Variants in PCDHB11 observed in about 807,000 individuals in gnomAD.
The protein encoded by PCDHB11 is protocadherin beta 11.
For missense variants in PCDHB11, 1,151 were observed against 1,003.4 expected (o/e 1.15, Z -1.99); for synonymous variants, 522 against 442.0 (o/e 1.18, Z -2.27).
rs1225033513 is a variant in PCDHB11, at chr5:141,200,889, A to G, written c.1115A>G (p.Asp372Gly). ...ETVVMVFSIQ[D>G]IDSGDNGRIV... Reference sequence around the variant, plus strand: ...GTGGTTATGGTTTTTAGTATCCAAGATATAGACTCTGGGGACAACGGAAGA... The same window carrying G: ...GTGGTTATGGTTTTTAGTATCCAAGGTATAGACTCTGGGGACAACGGAAGA... The change falls in exon 1 of 1, where the codon GAT becomes GGT. Residue 372 changes from aspartate (D) to glycine (G), a missense_variant. Asp to Gly is a moderately conservative substitution (Grantham distance 94, BLOSUM62 -1). Transcript: ENST00000354757. The G allele has an allele frequency of 6.2e-7, 1 of 1,614,220 alleles. No homozygotes were observed. The highest frequency in any genetic ancestry group is 1.7e-5 in the Admixed American group (1 of 60,018).
At position 141,201,093 on chromosome 5, in the gene PCDHB11, T is replaced by C. The variant is rs781851043; in HGVS notation, c.1319T>C (p.Leu440Ser). 5 of 1,614,204 alleles carry C rather than the reference T, an allele frequency of 3.1e-6. No individual in the cohort carries two copies. The South Asian group carries it at 5.5e-5, about 18-fold the overall frequency. ...AAAACCGAGCACAACACAACTGTGT[T>C]GGTCTCTGACGTCAATGACAACGCC... ...RLKTEHNTTV[L>S]VSDVNDNAPT... Residue 440 changes from leucine to serine, a missense_variant, in exon 1 of 1, where the codon TTG becomes TCG. By Grantham distance (145) the Leu-to-Ser change is moderately radical. Transcript: ENST00000354757.
Position 141,200,579 on chromosome 5 carries a change from T to G in PCDHB11, c.805T>G (p.Leu269Val). The G allele has an allele frequency of 6.2e-7, 1 of 1,614,202 alleles. No individual in the cohort carries two copies. The highest frequency in any genetic ancestry group is 8.5e-7 in the Non-Finnish European group (1 of 1,180,042). Residue 269 changes from leucine to valine, a missense_variant, in exon 1 of 1, where the codon TTA (leucine) becomes GTA (valine). Leu to Val is a conservative substitution (Grantham distance 32, BLOSUM62 1). Transcript: ENST00000354757. The part of the protein sequence containing the change: ...SLILIVSAWD[L>V]DSGTNGEICY... ...GATTTTGATTGTCTCAGCTTGGGAT[T>G]TAGACTCTGGAACAAATGGTGAAAT...
At position 141,200,549 on chromosome 5, in the gene PCDHB11, T is replaced by C; in HGVS notation, c.775T>C (p.Ser259Pro). The stretch of plus-strand genomic sequence containing the variant: ...GATTCGGGAGAATAGCATCCTTGGC[T>C]CGCTGATTTTGATTGTCTCAGCTTG... The part of the protein sequence containing the change: ...VKIRENSILG[S>P]LILIVSAWDL... The change falls in exon 1 of 1, where the codon TCG becomes CCG. Residue 259 changes from serine to proline, a missense_variant. Ser to Pro is a moderately conservative substitution (Grantham distance 74). Coordinates refer to ENST00000354757, the MANE Select transcript of PCDHB11 (RefSeq NM_018931.3). 1 of 1,614,204 alleles carries C rather than the reference T, an allele frequency of 6.2e-7. No homozygotes were observed. Among genetic ancestry groups the C allele is most frequent in the Non-Finnish European group, 8.5e-7 (1 of 1,180,042 alleles).
In PCDHB11 at chr5:141,201,780, C is replaced by T. The variant is rs1347547491; in HGVS notation, c.2006C>T (p.Pro669Leu). ...CTCCTGGTGGACGGCTTCTCCCAGC[C>T]CTACCTGCCGCTCCCTGAGGCGGCA... ...QVLLVDGFSQ[P>L]YLPLPEAAPA... The change falls in exon 1 of 1, where the codon CCC becomes CTC. Residue 669 changes from proline to leucine, a missense_variant. By Grantham distance (98) the Pro-to-Leu change is moderately conservative. Transcript: ENST00000354757. 9 of 1,609,664 alleles carry T rather than the reference C, an allele frequency of 5.6e-6. No individual in the cohort carries two copies. The highest frequency in any genetic ancestry group is 7.6e-6 in the Non-Finnish European group (9 of 1,179,776).
At position 141,201,995 on chromosome 5, in the gene PCDHB11, G is replaced by T; in HGVS notation, c.2221G>T (p.Gly741Cys). Residue 741 changes from glycine to cysteine, a missense_variant, in exon 1 of 1, where the codon GGC becomes TGC. By Grantham distance (159) the Gly-to-Cys change is radical. Transcript: ENST00000354757. ...PFPGHLVDVS[G>C]TGTLSQSYQY... Reference sequence around the variant, plus strand: ...TCCAGGGCATCTGGTGGACGTGAGCGGCACCGGGACCCTTTCCCAGAGCTA... The same window carrying T: ...TCCAGGGCATCTGGTGGACGTGAGCTGCACCGGGACCCTTTCCCAGAGCTA... 6.2e-7 allele frequency: 1 copy of T among 1,614,168 alleles called. No individual in the cohort carries two copies.
Position 141,200,598 on chromosome 5 carries a change from G to C in PCDHB11, c.824G>C (p.Gly275Ala), listed in dbSNP as rs1326293430. ...TGGGATTTAGACTCTGGAACAAATGGTGAAATATGCTATACCTTTTCCCAT... is the reference window on the plus strand; with the variant it reads ...TGGGATTTAGACTCTGGAACAAATGCTGAAATATGCTATACCTTTTCCCAT... ...SAWDLDSGTN[G>A]EICYTFSHAS... Residue 275 changes from glycine to alanine, a missense_variant, in exon 1 of 1, where the codon GGT becomes GCT. Physicochemically the swap from Gly to Ala is moderately conservative, Grantham distance 60 (BLOSUM62 0). Transcript: ENST00000354757. The C allele has an allele frequency of 6.2e-7, 1 of 1,614,074 alleles. No individual in the cohort carries two copies. Among genetic ancestry groups the C allele is most frequent in the Non-Finnish European group, 8.5e-7 (1 of 1,180,042 alleles).
In PCDHB11 at chr5:141,203,503, A is replaced by G. The variant is rs1754252650; in HGVS notation, c.*1335A>G. On this transcript the variant is annotated 3_prime_UTR_variant, in exon 1 of 1. Coordinates refer to ENST00000354757, the MANE Select transcript of PCDHB11 (RefSeq NM_018931.3). Reference sequence around the variant, plus strand: ...TCTAACATTCTATTTATTCATTTAAAAAGCCACATCATCTAGTTCTAAATC... The same window carrying G: ...TCTAACATTCTATTTATTCATTTAAGAAGCCACATCATCTAGTTCTAAATC... 1 of 152,244 alleles carries G rather than the reference A, an allele frequency of 6.6e-6. No individual in the cohort carries two copies. The highest frequency in any genetic ancestry group is 1.5e-5 in the Non-Finnish European group (1 of 68,040). The allele number at this position is 152,244 out of a possible 1,614,324, so 9.4% of individuals were successfully genotyped here.
At position 141,201,972 on chromosome 5, in the gene PCDHB11, C is replaced by T; in HGVS notation, c.2198C>T (p.Pro733Leu). The change falls in exon 1 of 1, where the codon CCA becomes CTA. Residue 733 changes from proline (P) to leucine (L), a missense_variant. By Grantham distance (98) the Pro-to-Leu change is moderately conservative. Coordinates refer to ENST00000354757, the MANE Select transcript of PCDHB11 (RefSeq NM_018931.3). ...TGCTCGGTGCCTAAGGGCCCCTTTCCAGGGCATCTGGTGGACGTGAGCGGC... is the reference window on the plus strand; with the variant it reads ...TGCTCGGTGCCTAAGGGCCCCTTTCTAGGGCATCTGGTGGACGTGAGCGGC... ...GSCSVPKGPF[P>L]GHLVDVSGTG... is the part of the protein sequence containing the mutation. 1 of 1,614,192 alleles carries T rather than the reference C, an allele frequency of 6.2e-7. No homozygotes were observed. The highest frequency in any genetic ancestry group is 8.5e-7 in the Non-Finnish European group (1 of 1,180,030).
Position 141,202,035 on chromosome 5 carries a change from G to A in PCDHB11, c.2261G>A (p.Cys754Tyr). 6.2e-7 allele frequency: 1 copy of A among 1,614,194 alleles called. No homozygotes were observed. Among genetic ancestry groups the A allele is most frequent in the African/African-American group, 1.3e-5 (1 of 75,040 alleles). Residue 754 changes from cysteine (C) to tyrosine (Y), a missense_variant, in exon 1 of 1, where the codon TGT (cysteine) becomes TAT (tyrosine). Physicochemically the swap from Cys to Tyr is radical, Grantham distance 194. Coordinates refer to ENST00000354757, the MANE Select transcript of PCDHB11 (RefSeq NM_018931.3). The part of the protein sequence containing the change: ...TLSQSYQYEV[C>Y]LTGGSETNEF... ...TCCCAGAGCTACCAGTACGAGGTGT[G>A]TCTGACGGGAGGTTCCGAGACAAAT...
Position 141,200,688 on chromosome 5 carries a change from C to T in PCDHB11, c.914C>T (p.Ala305Val). The change falls in exon 1 of 1, where the codon GCA becomes GTA. Residue 305 changes from alanine to valine, a missense_variant. Transcript: ENST00000354757. Reference protein sequence around the residue: ...NQKSGEITLRAPLDFETIESY... With the variant: ...NQKSGEITLRVPLDFETIESY... ...AAGTCTGGAGAAATTACTTTAAGAG[C>T]ACCTCTGGATTTTGAAACGATTGAG... 1.2e-6 allele frequency: 2 copies of T among 1,614,172 alleles called. No individual in the cohort carries two copies. Among genetic ancestry groups the T allele is most frequent in the East Asian group, 4.5e-5 (2 of 44,878 alleles).
rs782414020 is a variant in PCDHB11 at position 141,200,346 on chromosome 5, AC to A, written c.576del (p.Glu193SerfsTer2). On this transcript the variant is annotated frameshift_variant, in exon 1 of 1. Coordinates refer to ENST00000354757, the MANE Select transcript of PCDHB11 (RefSeq NM_018931.3). LOFTEE classifies it low-confidence loss of function (END_TRUNC). ...KMRVIPDNRKYPELVLDKALD... is the reference protein window; with the variant it reads ...KMRVIPDNRKXPELVLDKALD... Reference sequence around the variant, plus strand: ...AGAGTCATTCCAGACAATAGGAAATACCCCGAGTTAGTTCTGGACAAGGCGC... The same window carrying A: ...AGAGTCATTCCAGACAATAGGAAATACCCGAGTTAGTTCTGGACAAGGCGC... The A allele has an allele frequency of 3.7e-6, 6 of 1,614,012 alleles. No individual in the cohort carries two copies. The African/African-American group carries it at 8.0e-5, about 22-fold the overall frequency.
chr5:141,201,408 C>T lies in PCDHB11; in HGVS notation c.1634C>T (p.Ala545Val), dbSNP rs1157179181. ...GGCTCCCCGGCTTTGAGCAGCGAGGCGCTGGTGCGCGTGCTGGTGCTGGAC... is the reference window on the plus strand; with the variant it reads ...GGCTCCCCGGCTTTGAGCAGCGAGGTGCTGGTGCGCGTGCTGGTGCTGGAC... Reference protein sequence around the residue: ...DRGSPALSSEALVRVLVLDAN... With the variant: ...DRGSPALSSEVLVRVLVLDAN... Residue 545 changes from alanine (A) to valine (V), a missense_variant, in exon 1 of 1, where the codon GCG (alanine) becomes GTG (valine). Ala to Val is a moderately conservative substitution (Grantham distance 64). Transcript: ENST00000354757. 1.7e-5 allele frequency: 27 copies of T among 1,611,992 alleles called. No individual in the cohort carries two copies. Among genetic ancestry groups the T allele is most frequent in the Non-Finnish European group, 2.1e-5 (25 of 1,179,768 alleles).
chr5:141,201,168 GC>G lies in PCDHB11; in HGVS notation c.1398del (p.Ala467ProfsTer75). 6.2e-7 allele frequency: 1 copy of G among 1,613,616 alleles called. No homozygotes were observed. Among genetic ancestry groups the G allele is most frequent in the East Asian group, 2.2e-5 (1 of 44,882 alleles). ...SYTLFVRENN[S>X]PALHIGSVSA... ...ACCCTGTTCGTCCGCGAGAACAACA[GC>G]CCCGCCCTGCACATCGGCAGTGTCA... On this transcript the variant is annotated frameshift_variant, in exon 1 of 1. Coordinates refer to ENST00000354757, the MANE Select transcript of PCDHB11 (RefSeq NM_018931.3). LOFTEE classifies it low-confidence loss of function (END_TRUNC).
At position 141,202,605 on chromosome 5, in the gene PCDHB11, C is replaced by CT. The variant is rs1174899767; in HGVS notation, c.*447dup. 2.2e-3 allele frequency: 333 copies of CT among 148,702 alleles called. 1 individual carries two copies. The highest frequency in any genetic ancestry group is 3.9e-3 in the Non-Finnish European group (261 of 67,324). 9.2% of individuals were successfully genotyped at this position (148,702 alleles called of 1,614,324 possible). A position where few individuals can be genotyped will look rare whatever the true frequency, so the allele number is the denominator to read the frequency against. On this transcript the variant is annotated 3_prime_UTR_variant, in exon 1 of 1. Transcript: ENST00000354757. ...ACCGGTGTGAGCCACTGCGCCCGGCCTTTTTTTTTTCTTTTCTTTTCTTTT... is the reference window on the plus strand; with the variant it reads ...ACCGGTGTGAGCCACTGCGCCCGGCCTTTTTTTTTTTCTTTTCTTTTCTTTT...
Position 141,203,263 on chromosome 5 carries a change from T to G in PCDHB11, c.*1095T>G, listed in dbSNP as rs1023023792. The G allele has an allele frequency of 6.6e-6, 1 of 152,152 alleles. No homozygotes were observed. Among genetic ancestry groups the G allele is most frequent in the South Asian group, 2.1e-4 (1 of 4,822 alleles). 9.4% of individuals were successfully genotyped at this position (152,152 alleles called of 1,614,324 possible). On this transcript the variant is annotated 3_prime_UTR_variant, in exon 1 of 1. Coordinates refer to ENST00000354757, the MANE Select transcript of PCDHB11 (RefSeq NM_018931.3). ...CACCCAGCTAATTTTGCATTTTTAG[T>G]AGAGACGGGGTTTCACCATGTTGGT...
In PCDHB11 at chr5:141,202,299, C is replaced by A. The variant is rs1754222734; in HGVS notation, c.*131C>A. ...ATTTTTAATTTTTTCTTTTCTCCCC[C>A]AATTTTTTTTTTTTTTTTGAGACCG... is the stretch of plus-strand genomic sequence containing the variant. On this transcript the variant is annotated 3_prime_UTR_variant, in exon 1 of 1. Coordinates refer to ENST00000354757, the MANE Select transcript of PCDHB11 (RefSeq NM_018931.3). 6 of 924,640 alleles carry A rather than the reference C, an allele frequency of 6.5e-6. No individual in the cohort carries two copies. The highest frequency in any genetic ancestry group is 9.2e-6 in the Non-Finnish European group (6 of 649,770). The allele number at this position is 924,640 out of a possible 1,614,324, so 57.3% of individuals were successfully genotyped here.
In PCDHB11 at chr5:141,201,301, C is replaced by A. The variant is rs1396915826; in HGVS notation, c.1527C>A (p.Asp509Glu). Residue 509 changes from aspartate to glutamate, a missense_variant, in exon 1 of 1, where the codon GAC (aspartate) becomes GAA (glutamate). Coordinates refer to ENST00000354757, the MANE Select transcript of PCDHB11 (RefSeq NM_018931.3). ...CCTCCCTGGTCTCCATCAACACAGACAACGGCCACCTGTTCGCCCTCAGGT... is the reference window on the plus strand; with the variant it reads ...CCTCCCTGGTCTCCATCAACACAGAAAACGGCCACCTGTTCGCCCTCAGGT... ...PLASLVSINT[D>E]NGHLFALRSL... 3.1e-6 allele frequency: 5 copies of A among 1,613,508 alleles called. No individual in the cohort carries two copies. In the African/African-American group the frequency reaches 6.7e-5, roughly 22 times the overall value.
At position 141,200,966 on chromosome 5, in the gene PCDHB11, G is replaced by C. The variant is rs781862788; in HGVS notation, c.1192G>C (p.Glu398Gln). Residue 398 changes from glutamate (E) to glutamine (Q), a missense_variant, in exon 1 of 1, where the codon GAG (glutamate) becomes CAG (glutamine). By Grantham distance (29) the Glu-to-Gln change is conservative. Transcript: ENST00000354757. ...CCCATTCGTGCTAAAATCTTCAGTT[G>C]AGAATTACTACACGTTGGAAACAGA... ...DLPFVLKSSV[E>Q]NYYTLETERP... The C allele has an allele frequency of 2.1e-5, 34 of 1,614,054 alleles. No homozygotes were observed. Among genetic ancestry groups the C allele is most frequent in the Non-Finnish European group, 2.9e-5 (34 of 1,180,040 alleles).
At position 141,200,629 on chromosome 5, in the gene PCDHB11, A is replaced by G; in HGVS notation, c.855A>G (p.Ser285=). 3 of 1,614,226 alleles carry G rather than the reference A, an allele frequency of 1.9e-6. No individual in the cohort carries two copies. The highest frequency in any genetic ancestry group is 2.5e-6 in the Non-Finnish European group (3 of 1,180,028). ...GEICYTFSHA[S]EDIRKTFEIN... is the part of the protein sequence containing the mutation. ...TATGCTATACCTTTTCCCATGCCTC[A>G]GAAGATATTCGCAAGACATTTGAAA... Residue 285 remains serine (S), a synonymous_variant, in exon 1 of 1, where the codon TCA becomes TCG. Coordinates refer to ENST00000354757, the MANE Select transcript of PCDHB11 (RefSeq NM_018931.3).
Sources: gnomAD v4.1 joint callset for allele counts on GRCh38, gnomAD v4.1.1 for gene constraint, MANE v1.5 for transcripts, NCBI Gene and HGNC (gene_info 2026-07-23, HGNC 2026-07-21) for gene names.